NXPE4: variants seen among roughly 807,000 people sequenced by gnomAD.
The protein encoded by NXPE4 is NXPE family member 4.
A neutral mutation model predicts 33.3 loss-of-function variants in NXPE4; 42 were observed. The ratio of observed to expected loss-of-function variants is 1.26; its 90% CI spans 0.98 to 1.63. NXPE4 has a LOEUF of 1.63. NXPE4 is among the 40% of genes most tolerant of loss of function. The pLI, the probability that NXPE4 is intolerant of heterozygous loss-of-function variation, is 0.00. For missense variants in NXPE4, 709 were observed against 647.6 expected, an observed-to-expected ratio of 1.09 and a Z score of -1.03; for synonymous variants, 253 against 234.9, an observed-to-expected ratio of 1.08 and a Z score of -0.71.
chr11:114,598,059 TG>T (rs749212632), upstream of NXPE4, among the ~76,000 whole-genome samples: 8 of 152,104 alleles, frequency 5.3e-5, no homozygotes, highest in South Asian at 2.1e-4. Flanking sequence ...CAAGATACAA[TG>T]GGACTATAGG....
the NXPE4 span, among the ~76,000 whole-genome samples, chr11:114,620,610 C>T: frequency 6.5e-4 from 99 of 151,644 alleles, no homozygotes; most frequent in African/African-American, 1.9e-3. Context: ...CACTGTTACG[C>T]GGTGGATAAT....
At chr11:114,637,007 C>T in the NXPE4 span, among the ~76,000 whole-genome samples, 15 of 152,198 alleles carry the variant, frequency 9.9e-5, no homozygotes, top group East Asian at 5.8e-4. Context: ...AGTTCAATTC[C>T]TGGGTATCGT....
At chr11:114,665,161 C>T in the NXPE4 span, among the ~76,000 whole-genome samples, 1 of 152,054 alleles carries the variant, frequency 6.6e-6, no homozygotes, top group East Asian at 1.9e-4. Context: ...TTCCCATGTT[C>T]TTTATGATAA....
At chr11:114,588,760 A>G (rs1451208525) in intron 2 of NXPE4, among the ~76,000 whole-genome samples, 1 of 152,178 alleles carries the variant, frequency 6.6e-6, no homozygotes, top group Admixed American at 6.5e-5. Flanking sequence ...AAATCCAGGT[A>G]AGAATCCCAC....
At chr11:114,626,617 C>A in the NXPE4 span, among the ~76,000 whole-genome samples, 29 of 152,328 alleles carry the variant, frequency 1.9e-4, no homozygotes, top group South Asian at 5.8e-3. Context: ...CAGAGCGCCT[C>A]TCCTCCTCCA....
At position 114,571,174 on chromosome 11, in the gene NXPE4, C is replaced by G. The variant is rs1287025060; in HGVS notation, c.1399G>C (p.Asp467His). The G allele has an allele frequency of 2.5e-6, 4 of 1,613,836 alleles. No homozygotes were observed. Among genetic ancestry groups the G allele is most frequent in the Non-Finnish European group, 3.4e-6 (4 of 1,179,930 alleles). ...TCTGTTTTGATGATAACCATAGTGT[C>G]TGGGCTTCTCAGAAGAAGATGCTGA... Reference protein sequence around the residue: ...AIQHLLLRSPDTMVIIKTENI... With the variant: ...AIQHLLLRSPHTMVIIKTENI... Residue 467 changes from aspartate (D) to histidine (H), a missense_variant, in exon 6 of 6, where the codon GAC (aspartate) becomes CAC (histidine). Transcript: ENST00000375478.
the NXPE4 span, among the ~76,000 whole-genome samples, chr11:114,648,948 C>CAA: frequency 0.33 from 49,802 of 151,894 alleles, 8,426 homozygotes; most frequent in East Asian, 0.41. Context: ...TAAGAGGAAA[C>CAA]AAAAAAATAT....
At chr11:114,640,082 T>C in the NXPE4 span, among the ~76,000 whole-genome samples, 11 of 117,440 alleles carry the variant, frequency 9.4e-5, no homozygotes, top group Non-Finnish European at 1.3e-4. Flanking sequence ...ATATATAATA[T>C]AATGTAATAT....
the NXPE4 span, among the ~76,000 whole-genome samples, chr11:114,669,489 T>G: frequency 2.6e-5 from 4 of 152,114 alleles, no homozygotes; most frequent in South Asian, 8.3e-4. Context: ...GGTTCTATTC[T>G]ACCCAAGAAT....
chr11:114,626,579 G>C, the NXPE4 span, among the ~76,000 whole-genome samples: 1 of 152,144 alleles, frequency 6.6e-6, no homozygotes, highest in African/African-American at 2.4e-5. Flanking sequence ...GGAAAAAACA[G>C]AGCAGAAAAA....
the NXPE4 span, among the ~76,000 whole-genome samples, chr11:114,613,738 A>G: frequency 6.6e-6 from 1 of 151,962 alleles, no homozygotes; most frequent in Non-Finnish European, 1.5e-5. Context: ...TCTCATGGGG[A>G]ACCACTGTTA....
chr11:114,583,986 T>C (rs895592544), intron 2 of NXPE4: 44 of 373,636 alleles, frequency 1.2e-4, no homozygotes, highest in Non-Finnish European at 2.3e-4. Context: ...AAACTGGTCA[T>C]GTCCAAAGTA....
At chr11:114,638,786 G>A in the NXPE4 span, among the ~76,000 whole-genome samples, 14 of 151,930 alleles carry the variant, frequency 9.2e-5, no homozygotes, top group African/African-American at 2.2e-4. Flanking sequence ...GCGGATTTTC[G>A]TGAACCGTGA....
At chr11:114,674,829 G>C in the NXPE4 span, among the ~76,000 whole-genome samples, 1 of 151,726 alleles carries the variant, frequency 6.6e-6, no homozygotes, top group Non-Finnish European at 1.5e-5. Context: ...CGATATCAAA[G>C]CCAGACAAGG....
chr11:114,630,142 G>A, the NXPE4 span, among the ~76,000 whole-genome samples: 1 of 151,674 alleles, frequency 6.6e-6, no homozygotes, highest in Admixed American at 6.6e-5. Context: ...AGCTACCAAT[G>A]ACTTTCTTCA....
At position 114,582,445 on chromosome 11, in the gene NXPE4, T is replaced by C; in HGVS notation, c.673A>G (p.Thr225Ala). 1 of 1,614,184 alleles carries C rather than the reference T, an allele frequency of 6.2e-7. No homozygotes were observed. Among genetic ancestry groups the C allele is most frequent in the Non-Finnish European group, 8.5e-7 (1 of 1,180,010 alleles). ...VHSECGLILN[T>A]NAELCQYLDN... ...AGGTACTGGCACAATTCAGCATTTG[T>C]GTTTAGGATCAGGCCACATTCAGAG... The change falls in exon 3 of 6, where the codon ACA becomes GCA. Residue 225 changes from threonine to alanine, a missense_variant. Physicochemically the swap from Thr to Ala is moderately conservative, Grantham distance 58. Transcript: ENST00000375478.
At chr11:114,677,371 A>G in the NXPE4 span, among the ~76,000 whole-genome samples, 1 of 152,140 alleles carries the variant, frequency 6.6e-6, no homozygotes, top group Non-Finnish European at 1.5e-5. Context: ...ACATCAAAAC[A>G]TCACATTATA....
the NXPE4 span, among the ~76,000 whole-genome samples, chr11:114,666,068 A>T: frequency 2.6e-5 from 4 of 152,038 alleles, no homozygotes; most frequent in Non-Finnish European, 4.4e-5. Flanking sequence ...ATTCAGGTTC[A>T]TTTGGCCCTA....
the NXPE4 span, among the ~76,000 whole-genome samples, chr11:114,620,952 G>A: frequency 6.6e-6 from 1 of 152,140 alleles, no homozygotes; most frequent in Non-Finnish European, 1.5e-5. Context: ...TTTACCTGTT[G>A]GATAATAAGT....
Sources: gnomAD v4.1 joint callset for allele counts (sites outside exome capture counted in the v4.1 genomes callset) on GRCh38, gnomAD v4.1.1 for gene constraint, MANE v1.5 for transcripts, NCBI Gene and HGNC (gene_info 2026-07-23, HGNC 2026-07-21) for gene names.